BLTP1: variants seen among roughly 807,000 people sequenced by gnomAD.
BLTP1 encodes the protein bridge-like lipid transfer protein family member 1.
chr4:122,200,879 G>A, the BLTP1 span: 5 of 1,324,546 alleles, frequency 3.8e-6, no homozygotes, highest in Non-Finnish European at 5.0e-6. Flanking sequence ...AGTCTCAAAG[G>A]GACCTTCTGT....
At chr4:122,273,599 A>G in the BLTP1 span, among the ~76,000 whole-genome samples, 2 of 152,054 alleles carry the variant, frequency 1.3e-5, no homozygotes, top group Non-Finnish European at 2.9e-5. Context: ...TTTTAAATTG[A>G]TATAAATTGG....
At chr4:122,231,539 GTTTGT>G in the BLTP1 span, 5,259 of 552,908 alleles carry the variant, frequency 9.5e-3, 241 homozygotes, top group African/African-American at 0.099. Flanking sequence ...GTATTTTACA[GTTTGT>G]TTTATCTTTT....
chr4:122,244,862 T>C, the BLTP1 span: 1 of 578,798 alleles, frequency 1.7e-6, no homozygotes. Context: ...ATGTTTCCCT[T>C]GTATAATTTC....
the BLTP1 span, chr4:122,220,453 G>T: frequency 3.7e-6 from 6 of 1,611,160 alleles, no homozygotes; most frequent in Non-Finnish European, 5.1e-6. Context: ...GAATGTGTTT[G>T]TCAGTGATAA....
chr4:122,322,267 A>G, the BLTP1 span, among the ~76,000 whole-genome samples: 8 of 151,626 alleles, frequency 5.3e-5, no homozygotes, highest in Non-Finnish European at 1.0e-4. Flanking sequence ...TCCTATTGAT[A>G]TATCCTCAAG....
the BLTP1 span, among the ~76,000 whole-genome samples, chr4:122,158,677 A>T: frequency 4.6e-5 from 7 of 152,194 alleles, no homozygotes; most frequent in Non-Finnish European, 1.0e-4. Context: ...AGGCTGAGGC[A>T]GGAGAATGGC....
chr4:122,339,039 C>A, the BLTP1 span: 1 of 296,336 alleles, frequency 3.4e-6, no homozygotes, highest in Non-Finnish European at 5.0e-6. Flanking sequence ...AATTTCTTAA[C>A]TTTCCTGTAG....
chr4:122,344,003 C>G, the BLTP1 span: 7 of 965,916 alleles, frequency 7.2e-6, no homozygotes, highest in Non-Finnish European at 8.6e-6. Context: ...TAATTTAAGT[C>G]AGCCATTTCG....
At chr4:122,279,774 G>T in the BLTP1 span, 1 of 1,612,608 alleles carries the variant, frequency 6.2e-7, no homozygotes, top group Non-Finnish European at 8.5e-7. Context: ...TCTATTGATA[G>T]AACTGTAGTG....
the BLTP1 span, among the ~76,000 whole-genome samples, chr4:122,176,994 ACT>A: frequency 6.6e-6 from 1 of 151,934 alleles, no homozygotes; most frequent in East Asian, 1.9e-4. Context: ...AACACATTAA[ACT>A]CTGTCATTCA....
the BLTP1 span, chr4:122,187,639 G>C: frequency 1.0e-6 from 1 of 958,126 alleles, no homozygotes; most frequent in South Asian, 1.9e-5. Context: ...TCCCATTTCT[G>C]TATAGTGTGA....
At chr4:122,227,482 A>T in the BLTP1 span, 25 of 985,282 alleles carry the variant, frequency 2.5e-5, no homozygotes, top group South Asian at 9.9e-4. Flanking sequence ...AAGCATGGTT[A>T]TTTCAGAAAA....
the BLTP1 span, chr4:122,337,188 T>C: frequency 1.6e-6 from 1 of 610,984 alleles, no homozygotes; most frequent in Non-Finnish European, 2.8e-6. Flanking sequence ...GTGAAGTATG[T>C]GTAAAATTTT....
chr4:122,244,519 A>G, the BLTP1 span: 1 of 292,506 alleles, frequency 3.4e-6, no homozygotes, highest in African/African-American at 2.3e-5. Context: ...TTATATTGCA[A>G]TAATATAATA....
chr4:122,274,328 T>C, the BLTP1 span: 1 of 1,262,650 alleles, frequency 7.9e-7, no homozygotes, highest in Non-Finnish European at 1.1e-6. Flanking sequence ...ATAAATATTT[T>C]TTCTCATATT....
At chr4:122,297,518 A>G in the BLTP1 span, among the ~76,000 whole-genome samples, 1 of 152,202 alleles carries the variant, frequency 6.6e-6, no homozygotes, top group South Asian at 2.1e-4. Context: ...AAAAATCTGG[A>G]AGCAAAAATA....
At chr4:122,171,868 TA>T in the BLTP1 span, 12 of 984,360 alleles carry the variant, frequency 1.2e-5, no homozygotes, top group South Asian at 1.4e-4. Flanking sequence ...ACTATGAGCA[TA>T]GGGGGGCGTG....
At chr4:122,192,088 A>G in the BLTP1 span, 8 of 716,344 alleles carry the variant, frequency 1.1e-5, no homozygotes, top group Non-Finnish European at 1.7e-5. Context: ...CAATATGAGA[A>G]CAACCCCTTT....
At chr4:122,270,043 T>G in the BLTP1 span, among the ~76,000 whole-genome samples, 5 of 152,112 alleles carry the variant, frequency 3.3e-5, no homozygotes, top group Non-Finnish European at 7.4e-5. Flanking sequence ...CATCTCTTTT[T>G]AGTCTTCTCC....
Sources: gnomAD v4.1 joint callset for allele counts (sites outside exome capture counted in the v4.1 genomes callset) on GRCh38, gnomAD v4.1.1 for gene constraint, MANE v1.5 for transcripts, NCBI Gene and HGNC (gene_info 2026-07-23, HGNC 2026-07-21) for gene names.